ABCC9: variants seen among roughly 807,000 people sequenced by gnomAD.
The protein encoded by ABCC9 is ATP-binding cassette sub-family C member 9.
Under a neutral mutation model 188.3 loss-of-function variants are expected in ABCC9, and 95 were observed. The observed-to-expected ratio is 0.50, with a 90% CI of 0.43 to 0.60. ABCC9 has a LOEUF of 0.60. Ranked by LOEUF, ABCC9 falls within the 20% of genes least tolerant of loss-of-function variation. ABCC9 has a pLI of 0.00. For missense variants in ABCC9, 1,102 were observed against 1,876.3 expected (o/e 0.59, Z 7.62); for synonymous variants, 659 against 652.7 (o/e 1.01, Z -0.15).
chr12:21,886,012 T>G (rs1214291934), intron 15 of ABCC9, among the ~76,000 whole-genome samples: 1 of 152,150 alleles, frequency 6.6e-6, no homozygotes, highest in East Asian at 1.9e-4. Context: ...ATAGTAACAA[T>G]TATAACTAAC....
chr12:21,810,123 T>G (rs1227915597), intron 36 of ABCC9, among the ~76,000 whole-genome samples, 168 bp from the exon 37 acceptor site: 2 of 152,224 alleles, frequency 1.3e-5, no homozygotes, highest in Admixed American at 1.3e-4. Context: ...ACTGAATTCA[T>G]GCTTGATGAA....
At chr12:21,908,499 G>A (rs770300055) in intron 10 of ABCC9, among the ~76,000 whole-genome samples, 11 of 151,826 alleles carry the variant, frequency 7.2e-5, no homozygotes, top group Non-Finnish European at 1.5e-4. Flanking sequence ...GCATGAATTT[G>A]CAAAGTGGTC....
At chr12:21,895,169 T>G (rs1947341184) in intron 13 of ABCC9, 106 bp downstream of exon 13, 3 of 977,802 alleles carry the variant, frequency 3.1e-6, no homozygotes, top group Admixed American at 3.7e-5. Flanking sequence ...TAGAGAGAAG[T>G]CACAGAGGTG....
chr12:21,834,922 A>G (rs1305962106), intron 30 of ABCC9, among the ~76,000 whole-genome samples: 1 of 152,038 alleles, frequency 6.6e-6, no homozygotes, highest in Admixed American at 6.6e-5. Flanking sequence ...CCAACTTGCT[A>G]AACTAGCAGT....
intron 17 of ABCC9, among the ~76,000 whole-genome samples, chr12:21,875,262 A>T (rs1946285328): frequency 6.8e-6 from 1 of 146,820 alleles, no homozygotes; most frequent in Non-Finnish European, 1.5e-5. Context: ...AATATTAAAT[A>T]CATATAATTA....
chr12:21,867,247 C>G (rs982683714), intron 18 of ABCC9, among the ~76,000 whole-genome samples: 2 of 152,068 alleles, frequency 1.3e-5, no homozygotes, highest in Non-Finnish European at 2.9e-5. Context: ...TATGTTTAAT[C>G]AAATTCAGTT....
At chr12:21,850,261 C>T (rs1198643418) in intron 24 of ABCC9, among the ~76,000 whole-genome samples, 1 of 151,848 alleles carries the variant, frequency 6.6e-6, no homozygotes, top group Non-Finnish European at 1.5e-5. Context: ...ATAGGAAACA[C>T]CCTGTCCTGT....
rs1014209540 is a variant in ABCC9 at position 21,900,017 on chromosome 12, G to A, written c.1619-4702C>T. On this transcript the variant is annotated intron_variant, in intron 12 of 39. Transcript: ENST00000261200. ...GAGAATGGAGAGACTGCCTCCTCAA[G>A]TGGGTCCCTGACCCCCAAGTAGCCT... Among the ~76,000 whole-genome samples the A allele has an allele frequency of 9.9e-5, 15 of 152,214 alleles. No homozygotes were observed. In the South Asian group the frequency reaches 1.7e-3, roughly 17 times the overall value.
intron 4 of ABCC9, among the ~76,000 whole-genome samples, chr12:21,931,881 AT>A (rs1018384542): frequency 2.6e-5 from 4 of 152,086 alleles, no homozygotes; most frequent in Non-Finnish European, 5.9e-5. Flanking sequence ...AGAGTCTCTA[AT>A]TTTTCTTTTT....
intron 35 of ABCC9, among the ~76,000 whole-genome samples, chr12:21,812,885 T>A (rs751805828): frequency 1.3e-4 from 20 of 152,108 alleles, no homozygotes; most frequent in Non-Finnish European, 2.9e-5. Flanking sequence ...ATATACATAT[T>A]TGGTGGTGAT....
chr12:21,887,151 T>C (rs1310366814), intron 15 of ABCC9, among the ~76,000 whole-genome samples: 4 of 152,132 alleles, frequency 2.6e-5, no homozygotes, highest in Non-Finnish European at 5.9e-5. Flanking sequence ...AAAAACACAG[T>C]CATATATTTA....
At chr12:21,837,448 A>T (rs187908060) in intron 30 of ABCC9, among the ~76,000 whole-genome samples, 2 of 152,298 alleles carry the variant, frequency 1.3e-5, no homozygotes, top group East Asian at 3.9e-4. Flanking sequence ...ACACTAAAAT[A>T]TCAATTTTCT....
At chr12:21,814,545 A>G (rs2137164763) in intron 35 of ABCC9, 99 bp downstream of exon 35, 4 of 1,004,110 alleles carry the variant, frequency 4.0e-6, no homozygotes, top group Non-Finnish European at 6.3e-6. Context: ...CAAAGTCCTT[A>G]TAAATATTTG....
At chr12:21,898,572 G>C (rs1947548728) in intron 12 of ABCC9, among the ~76,000 whole-genome samples, 1 of 152,154 alleles carries the variant, frequency 6.6e-6, no homozygotes, top group Admixed American at 6.5e-5. Flanking sequence ...AAAAAGAAAT[G>C]TTTATAATCT....
chr12:21,835,475 A>T (rs926979907), intron 30 of ABCC9, among the ~76,000 whole-genome samples: 1 of 152,166 alleles, frequency 6.6e-6, no homozygotes, highest in Non-Finnish European at 1.5e-5. Context: ...GGCTTACCAC[A>T]GTAGATGATA....
At chr12:21,894,715 A>T (rs1163289589) in intron 13 of ABCC9, among the ~76,000 whole-genome samples, 3 of 151,978 alleles carry the variant, frequency 2.0e-5, no homozygotes, top group Non-Finnish European at 4.4e-5. Flanking sequence ...GGCTCAGGTG[A>T]TCCTCCCACC....
intron 12 of ABCC9, among the ~76,000 whole-genome samples, chr12:21,899,808 C>A (rs1015151891): frequency 6.6e-6 from 1 of 152,164 alleles, no homozygotes; most frequent in Non-Finnish European, 1.5e-5. Context: ...AACAGAGCAG[C>A]CGGGAAGCTC....
intron 12 of ABCC9, among the ~76,000 whole-genome samples, chr12:21,896,380 A>G (rs1180225959): frequency 1.3e-5 from 2 of 152,188 alleles, no homozygotes; most frequent in African/African-American, 4.8e-5. Flanking sequence ...TGAGTTTTGT[A>G]ATAACACAGA....
At chr12:21,939,568 C>T (rs1465855938) in intron 2 of ABCC9, among the ~76,000 whole-genome samples, 2 of 152,182 alleles carry the variant, frequency 1.3e-5, no homozygotes, top group African/African-American at 4.8e-5. Flanking sequence ...TAAACTCTGT[C>T]ACCTGACATC....
Sources: gnomAD v4.1 joint callset for allele counts (sites outside exome capture counted in the v4.1 genomes callset) on GRCh38, gnomAD v4.1.1 for gene constraint, MANE v1.5 for transcripts, NCBI Gene and HGNC (gene_info 2026-07-23, HGNC 2026-07-21) for gene names.